The following DLGAP2 variants were observed in gnomAD, a reference collection of about 807,000 sequenced individuals.
DLGAP2 encodes DLG associated protein 2, also known as disks large-associated protein 2.
A neutral mutation model predicts 100.3 loss-of-function variants in DLGAP2; 26 were observed. That is an observed-to-expected ratio of 0.26 (90% CI 0.19 to 0.36). The LOEUF is 0.36. Ranked by LOEUF, DLGAP2 falls within the 10% of genes least tolerant of loss-of-function variation. The pLI is 1.00. For missense variants in DLGAP2, 1,858 were observed against 1,453.2 expected (o/e 1.28, Z -4.53); for synonymous variants, 886 against 630.1 (o/e 1.41, Z -6.08).
At chr8:1,470,694 G>C (rs1335626409) in intron 3 of DLGAP2, among the ~76,000 whole-genome samples, 2 of 151,938 alleles carry the variant, frequency 1.3e-5, no homozygotes, top group Non-Finnish European at 1.5e-5. Flanking sequence ...GTAGCTCCAC[G>C]TGGATATTCC....
At chr8:847,538 G>T (rs186210757) in intron 1 of DLGAP2, among the ~76,000 whole-genome samples, 2 of 150,872 alleles carry the variant, frequency 1.3e-5, no homozygotes, top group African/African-American at 4.9e-5. Context: ...ACAAGGTCTC[G>T]CTCTGTCACC....
intron 3 of DLGAP2, among the ~76,000 whole-genome samples, chr8:1,282,338 C>T (rs1258939491): frequency 2.7e-5 from 4 of 146,180 alleles, no homozygotes; most frequent in Non-Finnish European, 4.5e-5. Context: ...CTGAACCCAG[C>T]GCCCTGAACC....
At chr8:1,700,075 C>G (rs572398611) in intron 14 of DLGAP2, among the ~76,000 whole-genome samples, 1 of 152,154 alleles carries the variant, frequency 6.6e-6, no homozygotes, top group African/African-American at 2.4e-5. Context: ...TTGCTTCTGG[C>G]CTAGTCACGT....
intron 3 of DLGAP2, among the ~76,000 whole-genome samples, chr8:1,496,506 C>G (rs536316287): frequency 6.6e-6 from 1 of 152,106 alleles, no homozygotes; most frequent in Admixed American, 6.5e-5. Context: ...GCGCACTGCC[C>G]GAGTCTCCCT....
At chr8:1,243,333 C>A (rs1403832019) in intron 2 of DLGAP2, among the ~76,000 whole-genome samples, 1 of 152,128 alleles carries the variant, frequency 6.6e-6, no homozygotes, top group South Asian at 2.1e-4. Context: ...GGTCTTGGCA[C>A]CTCAGTAAAG....
At chr8:1,569,311 C>T (rs1439917888) in intron 6 of DLGAP2, among the ~76,000 whole-genome samples, 1 of 152,262 alleles carries the variant, frequency 6.6e-6, no homozygotes, top group Non-Finnish European at 1.5e-5. Context: ...CTGCCAAACT[C>T]GATTTATACG....
At chr8:1,214,533 G>A (rs568792466) in intron 2 of DLGAP2, among the ~76,000 whole-genome samples, 40 of 152,228 alleles carry the variant, frequency 2.6e-4, no homozygotes, top group Non-Finnish European at 5.6e-4. Flanking sequence ...CCCTAACCCG[G>A]AAGTCAGATC....
intron 3 of DLGAP2, among the ~76,000 whole-genome samples, chr8:1,323,968 G>A (rs867126084): frequency 3.3e-5 from 5 of 152,080 alleles, no homozygotes; most frequent in Non-Finnish European, 7.4e-5. Context: ...TTAATGTGGC[G>A]CGTTTCGACA....
At chr8:1,548,549 G>A (rs565995021) in intron 4 of DLGAP2, 77 bp from the exon 5 acceptor site, 2 of 1,316,540 alleles carry the variant, frequency 1.5e-6, no homozygotes, top group Admixed American at 2.9e-5. Context: ...AGTCCACGGT[G>A]GGGGTCACAT....
At chr8:946,462 A>G (rs909557417) in intron 2 of DLGAP2, among the ~76,000 whole-genome samples, 1 of 151,824 alleles carries the variant, frequency 6.6e-6, no homozygotes, top group South Asian at 2.1e-4. Flanking sequence ...ACGGGGTTTC[A>G]CCATATTAGC....
rs150631744 is a variant in DLGAP2, at chr8:1,663,809, G to A, written c.1811-4520G>A. Among the ~76,000 whole-genome samples, 427 of 152,234 alleles carry A rather than the reference G, an allele frequency of 2.8e-3. 7 individuals carry two copies. Among genetic ancestry groups the A allele is most frequent in the African/African-American group, 9.4e-3 (392 of 41,536 alleles). On this transcript the variant is annotated intron_variant, in intron 8 of 14. Transcript: ENST00000637795. ...AAAACAAGCGTTCCAGCATCACAGC[G>A]CATGTTTTGATTTAGAGGAAGAGAG...
intron 3 of DLGAP2, among the ~76,000 whole-genome samples, chr8:1,285,150 C>G (rs1295619705): frequency 6.6e-6 from 1 of 152,090 alleles, no homozygotes; most frequent in Non-Finnish European, 1.5e-5. Flanking sequence ...AAACTTGGCT[C>G]TTGCATCGTA....
At chr8:1,462,116 TCGATGAC>T (rs1798477885) in intron 3 of DLGAP2, among the ~76,000 whole-genome samples, 1 of 42,856 alleles carries the variant, frequency 2.3e-5, no homozygotes. Context: ...AGTCGCTGAT[TCGATGAC>T]CAGGAGGAGG....
chr8:1,198,550 G>A (rs533832457), intron 2 of DLGAP2, among the ~76,000 whole-genome samples: 1 of 152,150 alleles, frequency 6.6e-6, no homozygotes, highest in South Asian at 2.1e-4. Context: ...GGGCACTCAT[G>A]ACTCAGGAGG....
chr8:900,199 C>T (rs1031561700), intron 1 of DLGAP2, among the ~76,000 whole-genome samples: 1 of 149,878 alleles, frequency 6.7e-6, no homozygotes, highest in African/African-American at 2.5e-5. Context: ...CTCCTCTTCA[C>T]GGGGTCGCTC....
intron 2 of DLGAP2, among the ~76,000 whole-genome samples, chr8:1,230,500 G>GA (rs1798513767): frequency 1.3e-5 from 2 of 151,990 alleles, no homozygotes; most frequent in East Asian, 3.9e-4. Context: ...CACAGAACTA[G>GA]AAAAAAACTA....
chr8:1,321,686 A>T (rs1320017205), intron 3 of DLGAP2, among the ~76,000 whole-genome samples: 1 of 152,208 alleles, frequency 6.6e-6, no homozygotes, highest in Non-Finnish European at 1.5e-5. Flanking sequence ...AATCACATGC[A>T]TAGAACTAAT....
rs370174345 is a variant in DLGAP2 at position 1,067,191 on chromosome 8, G to A, written c.73+159225G>A. 2.0e-4 allele frequency among the ~76,000 whole-genome samples: 31 copies of A among 152,306 alleles called. No homozygotes were observed. The South Asian group carries it at 4.3e-3, about 21-fold the overall frequency. On this transcript the variant is annotated intron_variant, in intron 2 of 14. Coordinates refer to ENST00000637795, the MANE Select transcript of DLGAP2 (RefSeq NM_001346810.2). ...ACGTTGTCCATGTGCCCTGTACCTC[G>A]TGCTGCTGGCCTGGATCCAAGTCCC...
At position 1,702,362 on chromosome 8, in the gene DLGAP2, TA is replaced by T. The variant is rs71910601; in HGVS notation, c.*965del. 1,036 of 141,000 alleles carry T rather than the reference TA, an allele frequency of 7.3e-3. 12 individuals carry two copies. The highest frequency in any genetic ancestry group is 0.02 in the African/African-American group (774 of 38,474). 8.7% of individuals were successfully genotyped at this position (141,000 alleles called of 1,614,324 possible). A position where few individuals can be genotyped will look rare whatever the true frequency, so the allele number is the denominator to read the frequency against. On this transcript the variant is annotated 3_prime_UTR_variant, in exon 15 of 15. Coordinates refer to ENST00000637795, the MANE Select transcript of DLGAP2 (RefSeq NM_001346810.2). The stretch of plus-strand genomic sequence containing the variant: ...ATCAGCTGACTTTTCAGGGTATCCT[TA>T]AAAAAAAACACACACGAAAAACAAA...
Sources: allele counts gnomAD v4.1 joint callset (sites outside exome capture counted in the v4.1 genomes callset), GRCh38; gene constraint gnomAD v4.1.1; transcripts MANE v1.5; gene names NCBI Gene and HGNC (gene_info 2026-07-23, HGNC 2026-07-21).